The following THEMIS variants were observed in gnomAD, a reference collection of about 807,000 sequenced individuals.
THEMIS encodes protein THEMIS.
Under a neutral mutation model 52.6 loss-of-function variants are expected in THEMIS, and 37 were observed. That is an observed-to-expected ratio of 0.70 (90% CI 0.54 to 0.93). The LOEUF (loss-of-function observed/expected upper bound fraction) is 0.93, where lower values mean the gene tolerates loss of function less well. Among genes scored for constraint, THEMIS ranks in the 40% least tolerant of loss-of-function variants. THEMIS has a pLI of 0.00. For missense variants in THEMIS, 808 were observed against 763.1 expected (o/e 1.06, Z -0.69); for synonymous variants, 292 against 272.7 (o/e 1.07, Z -0.70).
At chr6:127,774,369 C>A (rs144113792) in intron 4 of THEMIS, among the ~76,000 whole-genome samples, 10,567 of 152,178 alleles carry the variant, frequency 0.069, 370 homozygotes, top group Non-Finnish European at 0.086. Context: ...CCATGCCCAG[C>A]TAATTTTTTG....
intron 4 of THEMIS, among the ~76,000 whole-genome samples, chr6:127,741,835 T>G (rs1035003623): frequency 6.6e-6 from 1 of 152,130 alleles, no homozygotes; most frequent in Non-Finnish European, 1.5e-5. Flanking sequence ...TAGGTGACAG[T>G]TGGTCCCAAG....
intron 4 of THEMIS, among the ~76,000 whole-genome samples, chr6:127,756,365 C>G (rs1178399941): frequency 6.6e-6 from 1 of 152,156 alleles, no homozygotes; most frequent in East Asian, 1.9e-4. Context: ...ATGATAGTCT[C>G]TAACAGAATG....
intron 4 of THEMIS, among the ~76,000 whole-genome samples, chr6:127,778,634 G>A (rs956260362): frequency 6.6e-6 from 1 of 152,046 alleles, no homozygotes. Context: ...GGTATACCAC[G>A]ACAGTGATCT....
intron 4 of THEMIS, among the ~76,000 whole-genome samples, chr6:127,755,453 AC>A (rs1408412368): frequency 6.6e-6 from 1 of 152,122 alleles, no homozygotes; most frequent in Non-Finnish European, 1.5e-5. Context: ...TTTTTAAATT[AC>A]CCTACAGAAT....
chr6:127,780,231 A>G (rs1182226602), intron 4 of THEMIS, among the ~76,000 whole-genome samples: 1 of 151,558 alleles, frequency 6.6e-6, no homozygotes, highest in African/African-American at 2.4e-5. Flanking sequence ...CCTGCTTTTT[A>G]TTTTTCTTTC....
intron 1 of THEMIS, 151 bp downstream of exon 1, chr6:127,900,691 G>A (rs139217846): frequency 6.1e-6 from 4 of 659,896 alleles, no homozygotes; most frequent in East Asian, 2.7e-5. Context: ...GGCTTTTGAC[G>A]ATTCGTTGGT....
chr6:127,779,028 T>A (rs975265910), intron 4 of THEMIS, among the ~76,000 whole-genome samples: 2 of 152,096 alleles, frequency 1.3e-5, no homozygotes, highest in Non-Finnish European at 2.9e-5. Flanking sequence ...TACAACATTA[T>A]CTCTCTCCTG....
At chr6:127,768,952 C>T (rs1776286738) in intron 4 of THEMIS, among the ~76,000 whole-genome samples, 1 of 152,198 alleles carries the variant, frequency 6.6e-6, no homozygotes, top group African/African-American at 2.4e-5. Context: ...CAACCTGAGA[C>T]AACATAGTGT....
At chr6:127,895,045 C>T (rs1255108305) in intron 1 of THEMIS, among the ~76,000 whole-genome samples, 2 of 149,520 alleles carry the variant, frequency 1.3e-5, no homozygotes. Flanking sequence ...AAGGATCCTC[C>T]AACATTTGAA....
chr6:127,742,278 G>A (rs1224971803), intron 4 of THEMIS, among the ~76,000 whole-genome samples: 2 of 146,458 alleles, frequency 1.4e-5, no homozygotes, highest in African/African-American at 5.1e-5. Flanking sequence ...TCATGCCACT[G>A]CACTCCAGCC....
At chr6:127,853,001 CTAAG>C (rs1281072432) in intron 2 of THEMIS, among the ~76,000 whole-genome samples, 1 of 151,714 alleles carries the variant, frequency 6.6e-6, no homozygotes, top group Admixed American at 6.6e-5. Flanking sequence ...TAGCCAAAAA[CTAAG>C]TGTTTTCACT....
chr6:127,897,431 T>G (rs936379257), intron 1 of THEMIS, among the ~76,000 whole-genome samples: 7 of 150,738 alleles, frequency 4.6e-5, no homozygotes, highest in African/African-American at 1.7e-4. Flanking sequence ...ACACATAAAC[T>G]CCATCAAATC....
intron 1 of THEMIS, among the ~76,000 whole-genome samples, chr6:127,907,753 C>T (rs552210526): frequency 2.0e-5 from 3 of 151,988 alleles, no homozygotes; most frequent in African/African-American, 7.2e-5. Flanking sequence ...CAAAAATGTT[C>T]CCAGTGCCAT....
At chr6:127,767,114 T>A (rs1316950778) in intron 4 of THEMIS, among the ~76,000 whole-genome samples, 1 of 151,748 alleles carries the variant, frequency 6.6e-6, no homozygotes, top group East Asian at 1.9e-4. Flanking sequence ...TTTTTGGAGA[T>A]GGAGTCTCGC....
rs58263706 is a variant in THEMIS, at chr6:127,731,864, A to ATTTTTTTTTTTTTTTT, written c.1759-12057_1759-12042dup. Reference sequence around the variant, plus strand: ...AGGTGCATGCCACCATGCCCGGCTAATTTTTTTTTTTTTTTTTTTTTTTAG... The same window carrying ATTTTTTTTTTTTTTTT: ...AGGTGCATGCCACCATGCCCGGCTAATTTTTTTTTTTTTTTTTTTTTTTTTTTTTTTTTTTTTTTAG... On this transcript the variant is annotated intron_variant, in intron 4 of 5. Coordinates refer to ENST00000368248, the MANE Select transcript of THEMIS (RefSeq NM_001010923.3). 7.4e-4 allele frequency among the ~76,000 whole-genome samples: 31 copies of ATTTTTTTTTTTTTTTT among 41,714 alleles called. 6 individuals carry two copies. Among genetic ancestry groups the ATTTTTTTTTTTTTTTT allele is most frequent in the East Asian group, 2.2e-3 (1 of 460 alleles). The allele number at this position is 41,714 out of a possible 152,430, so 27.4% of individuals were successfully genotyped here. A position where few individuals can be genotyped will look rare whatever the true frequency, so the allele number is the denominator to read the frequency against.
At chr6:127,856,940 T>C (rs1425808348) in intron 1 of THEMIS, among the ~76,000 whole-genome samples, 2 of 152,000 alleles carry the variant, frequency 1.3e-5, no homozygotes, top group South Asian at 4.1e-4. Context: ...CACCCTATAC[T>C]TAATTTTTTA....
At chr6:127,807,805 T>C (rs1462459380) in intron 4 of THEMIS, among the ~76,000 whole-genome samples, 1 of 152,194 alleles carries the variant, frequency 6.6e-6, no homozygotes, top group African/African-American at 2.4e-5. Flanking sequence ...AATACTACTC[T>C]CTAATGATCT....
intron 3 of THEMIS, among the ~76,000 whole-genome samples, chr6:127,824,755 C>A (rs567915993): frequency 1.3e-5 from 2 of 152,282 alleles, no homozygotes; most frequent in African/African-American, 4.8e-5. Context: ...CCTCGGCCCC[C>A]CAAAGTGCTG....
chr6:127,879,728 A>G (rs1780420684), intron 1 of THEMIS, among the ~76,000 whole-genome samples: 1 of 151,916 alleles, frequency 6.6e-6, no homozygotes. Context: ...AAAAAAAACG[A>G]GGACTTAGTG....
Sources: gnomAD v4.1 joint callset for allele counts (sites outside exome capture counted in the v4.1 genomes callset) on GRCh38, gnomAD v4.1.1 for gene constraint, MANE v1.5 for transcripts, NCBI Gene and HGNC (gene_info 2026-07-23, HGNC 2026-07-21) for gene names.